The following PIP4K2A variants were observed in gnomAD, a reference collection of about 807,000 sequenced individuals.
The protein encoded by PIP4K2A is phosphatidylinositol 5-phosphate 4-kinase type-2 alpha.
PIP4K2A carries 14 observed loss-of-function variants against 42.9 expected under a neutral mutation model. The observed-to-expected ratio is 0.33, with a 90% confidence interval of 0.22 to 0.51. PIP4K2A has a LOEUF of 0.51. Ranked by LOEUF, PIP4K2A falls within the 20% of genes least tolerant of loss-of-function variation. The pLI is 0.97. For missense variants in PIP4K2A, 434 were observed against 519.8 expected, an observed-to-expected ratio of 0.83 and a Z score of 1.61; for synonymous variants, 192 against 192.2, an observed-to-expected ratio of 1.00 and a Z score of 0.01.
rs57671642 is a variant in PIP4K2A, at chr10:22,627,591, T to TAAAAAAAAAAAAAAAAAAAAA, written c.145-17895_145-17875dup. On this transcript the variant is annotated intron_variant, in intron 1 of 9. Coordinates refer to ENST00000376573, the MANE Select transcript of PIP4K2A (RefSeq NM_005028.5). The stretch of plus-strand genomic sequence containing the variant: ...TGTTTAACCAAAAGCTAATATGTAA[T>TAAAAAAAAAAAAAAAAAAAAA]AAAAAAAAAAAAAAAAAAAAAAAAA... 1.4e-3 allele frequency among the ~76,000 whole-genome samples: 82 copies of TAAAAAAAAAAAAAAAAAAAAA among 57,030 alleles called. 7 individuals are homozygous for TAAAAAAAAAAAAAAAAAAAAA. Among genetic ancestry groups the TAAAAAAAAAAAAAAAAAAAAA allele is most frequent in the East Asian group, 4.8e-3 (5 of 1,042 alleles). The allele number at this position is 57,030 out of a possible 152,430, so 37.4% of individuals were successfully genotyped here.
At chr10:22,664,993 GA>G (rs1177062139) in intron 1 of PIP4K2A, among the ~76,000 whole-genome samples, 1 of 147,620 alleles carries the variant, frequency 6.8e-6, no homozygotes, top group African/African-American at 2.6e-5. Flanking sequence ...GAAAAATAAG[GA>G]AAAAAACATA....
chr10:22,649,691 C>T (rs1375649623), intron 1 of PIP4K2A, among the ~76,000 whole-genome samples: 1 of 152,176 alleles, frequency 6.6e-6, no homozygotes, highest in African/African-American at 2.4e-5. Flanking sequence ...GCTCCCTCAG[C>T]GGCAAGACCA....
At position 22,561,579 on chromosome 10, in the gene PIP4K2A, T is replaced by G. The variant is rs1454874426; in HGVS notation, c.678+6272A>C. 1.8e-4 allele frequency among the ~76,000 whole-genome samples: 26 copies of G among 146,032 alleles called. 1 individual carries two copies. Among genetic ancestry groups the G allele is most frequent in the Non-Finnish European group, 3.9e-4 (26 of 66,398 alleles). On this transcript the variant is annotated intron_variant, in intron 6 of 9. Coordinates refer to ENST00000376573, the MANE Select transcript of PIP4K2A (RefSeq NM_005028.5). ...TTCTCTACGCAGTTTTTTTTTTTTT[T>G]TTTTTTTTTTTTCTGAGACAGGGTC... is the stretch of plus-strand genomic sequence containing the variant.
intron 3 of PIP4K2A, among the ~76,000 whole-genome samples, chr10:22,600,223 G>A (rs1300519400): frequency 1.3e-5 from 2 of 151,512 alleles, no homozygotes; most frequent in African/African-American, 2.4e-5. Flanking sequence ...TTTGATGGTC[G>A]TTTGTATACA....
intron 1 of PIP4K2A, among the ~76,000 whole-genome samples, chr10:22,629,045 G>A (rs1838500577): frequency 6.6e-6 from 1 of 151,960 alleles, no homozygotes; most frequent in African/African-American, 2.4e-5. Flanking sequence ...TTTGTTTTTG[G>A]TTTACATAAC....
rs183620392 is a variant in PIP4K2A at position 22,643,198 on chromosome 10, C to T, written c.145-33481G>A. On this transcript the variant is annotated intron_variant, in intron 1 of 9. Transcript: ENST00000376573. ...CCCACCCATCTCCTCATCCCTCTCT[C>T]ACCAATTACTAACTCCCTTGTCTAC... Among the ~76,000 whole-genome samples the T allele has an allele frequency of 5.4e-4, 82 of 152,272 alleles. No individual in the cohort carries two copies. In the East Asian group the frequency reaches 0.012, roughly 22 times the overall value.
intron 4 of PIP4K2A, among the ~76,000 whole-genome samples, chr10:22,585,258 A>G (rs7912132): frequency 0.69 from 104,708 of 152,068 alleles, 36,502 homozygotes; most frequent in East Asian, 0.97. Flanking sequence ...ATTTCAAAGA[A>G]GTCACATGTT....
At chr10:22,617,983 C>T (rs1056129426) in intron 1 of PIP4K2A, among the ~76,000 whole-genome samples, 3 of 152,128 alleles carry the variant, frequency 2.0e-5, no homozygotes, top group Non-Finnish European at 4.4e-5. Context: ...GAGGGCCCAA[C>T]AGGAAGAAGT....
At chr10:22,611,496 T>C (rs1283644345) in intron 1 of PIP4K2A, among the ~76,000 whole-genome samples, 1 of 149,814 alleles carries the variant, frequency 6.7e-6, no homozygotes, top group Non-Finnish European at 1.5e-5. Flanking sequence ...TACGCTGTAG[T>C]TAAACTAAAG....
intron 1 of PIP4K2A, among the ~76,000 whole-genome samples, chr10:22,630,256 C>T (rs193194465): frequency 1.3e-5 from 2 of 151,914 alleles, no homozygotes; most frequent in Admixed American, 6.6e-5. Flanking sequence ...TATCAAACAG[C>T]CTTTTTGTTT....
At chr10:22,679,343 T>G (rs996595623) in intron 1 of PIP4K2A, among the ~76,000 whole-genome samples, 4 of 152,178 alleles carry the variant, frequency 2.6e-5, no homozygotes, top group African/African-American at 9.7e-5. Context: ...TTGGAACATG[T>G]GAATCAAAAC....
intron 1 of PIP4K2A, among the ~76,000 whole-genome samples, chr10:22,678,217 G>A (rs1384903206): frequency 6.6e-6 from 1 of 151,416 alleles, no homozygotes; most frequent in Non-Finnish European, 1.5e-5. Context: ...CAACAGAAAT[G>A]AGATACCAGG....
At chr10:22,687,910 T>C (rs1011837203) in intron 1 of PIP4K2A, among the ~76,000 whole-genome samples, 1 of 152,190 alleles carries the variant, frequency 6.6e-6, no homozygotes, top group Non-Finnish European at 1.5e-5. Flanking sequence ...GCCTACTTTG[T>C]GCGAGATCAT....
At chr10:22,560,067 G>T (rs1215884044) in intron 6 of PIP4K2A, among the ~76,000 whole-genome samples, 1 of 152,152 alleles carries the variant, frequency 6.6e-6, no homozygotes, top group Non-Finnish European at 1.5e-5. Flanking sequence ...GCCCTAGTGG[G>T]AAACTTTCCC....
intron 1 of PIP4K2A, among the ~76,000 whole-genome samples, chr10:22,681,528 A>T (rs961513002): frequency 2.6e-5 from 4 of 152,156 alleles, no homozygotes; most frequent in Admixed American, 2.6e-4. Flanking sequence ...TTTAAAAATT[A>T]GCCAGGTGTG....
rs192980142 is a variant in PIP4K2A, at chr10:22,645,174, T to A, written c.145-35457A>T. ...GAAGCAACTCATTTTGAAAACGCAATTTTTTTAAATGGGTGACGATGACAA... is the reference window on the plus strand; with the variant it reads ...GAAGCAACTCATTTTGAAAACGCAAATTTTTTAAATGGGTGACGATGACAA... On this transcript the variant is annotated intron_variant, in intron 1 of 9. Transcript: ENST00000376573. Among the ~76,000 whole-genome samples the A allele has an allele frequency of 7.2e-3, 1,102 of 152,294 alleles. 13 individuals carry two copies. Among genetic ancestry groups the A allele is most frequent in the African/African-American group, 0.024 (1,002 of 41,546 alleles).
chr10:22,650,243 C>T (rs971049116), intron 1 of PIP4K2A, among the ~76,000 whole-genome samples: 5 of 152,116 alleles, frequency 3.3e-5, no homozygotes, highest in Non-Finnish European at 7.3e-5. Flanking sequence ...TATCACTTAC[C>T]GTTTTTTAGC....
chr10:22,700,633 G>A (rs748210764), intron 1 of PIP4K2A, among the ~76,000 whole-genome samples: 9 of 152,210 alleles, frequency 5.9e-5, no homozygotes, highest in Non-Finnish European at 1.2e-4. Context: ...TGGTGTGCAG[G>A]TGGCAATACT....
chr10:22,609,585 A>G (rs767181009), intron 2 of PIP4K2A, 35 bp downstream of exon 2: 1 of 1,171,014 alleles, frequency 8.5e-7, no homozygotes, highest in South Asian at 1.2e-5. Context: ...CCTAGCAGCC[A>G]CGCTAGTCTT....
Sources: allele counts gnomAD v4.1 joint callset (sites outside exome capture counted in the v4.1 genomes callset), GRCh38; gene constraint gnomAD v4.1.1; transcripts MANE v1.5; gene names NCBI Gene and HGNC (gene_info 2026-07-23, HGNC 2026-07-21).